Variants in UBAP2 observed in about 807,000 individuals in gnomAD.
UBAP2 encodes the protein ubiquitin-associated protein 2.
In UBAP2, 75 loss-of-function variants were observed where a neutral mutation model predicts 139.6. That is an observed-to-expected ratio of 0.54 (90% confidence interval 0.45 to 0.65). The LOEUF is 0.65. Among genes scored for constraint, UBAP2 ranks in the 30% least tolerant of loss-of-function variants. The probability of loss-of-function intolerance (pLI) is 0.00; values close to 1 mark genes in which losing one functional copy is unlikely to be tolerated. For synonymous variants in UBAP2, 526 were observed against 526.2 expected (o/e 1.00, Z 0.01); for missense variants, 1,368 against 1,369.6 (o/e 1.00, Z 0.02).
chr9:33,977,407 T>C (rs189979063), intron 6 of UBAP2, among the ~76,000 whole-genome samples: 27 of 152,270 alleles, frequency 1.8e-4, no homozygotes, highest in African/African-American at 6.3e-4. Context: ...ATAATAGAAT[T>C]ATTGTTTCCT....
chr9:33,926,363 GACATGGCCT>G, intron 22 of UBAP2, among the ~76,000 whole-genome samples: 1 of 152,286 alleles, frequency 6.6e-6, no homozygotes, highest in South Asian at 2.1e-4. Flanking sequence ...TTTAACAGGG[GACATGGCCT>G]ACCAGGGCCC....
In UBAP2 at chr9:33,982,000, G is replaced by C. The variant is rs926562900; in HGVS notation, c.520+4760C>G. Among the ~76,000 whole-genome samples the C allele has an allele frequency of 1.2e-4, 19 of 152,146 alleles. 1 individual carries two copies. Among genetic ancestry groups the C allele is most frequent in the Admixed American group, 1.2e-3 (18 of 15,260 alleles). The stretch of plus-strand genomic sequence containing the variant: ...TTTCCTCTCTTCAGGATACTGGTGA[G>C]AAGAACAGAATTGTTAAGATATAAG... On this transcript the variant is annotated intron_variant, in intron 6 of 28. Coordinates refer to ENST00000379238, the MANE Select transcript of UBAP2 (RefSeq NM_001370062.2).
intron 1 of UBAP2, among the ~76,000 whole-genome samples, chr9:34,029,198 T>A (rs1269548839): frequency 6.6e-6 from 1 of 152,172 alleles, no homozygotes; most frequent in Non-Finnish European, 1.5e-5. Context: ...CTCCTGGGTA[T>A]GCACCCAAGA....
chr9:33,976,897 A>G (rs1261634589), intron 6 of UBAP2, among the ~76,000 whole-genome samples: 1 of 151,672 alleles, frequency 6.6e-6, no homozygotes. Context: ...CTGTAATGCC[A>G]GCTATTAGGG....
chr9:34,028,696 G>C (rs1825630050), intron 1 of UBAP2, among the ~76,000 whole-genome samples: 1 of 151,526 alleles, frequency 6.6e-6, no homozygotes, highest in Admixed American at 6.6e-5. Flanking sequence ...CTTGTCTTTT[G>C]CCCAGCAGGT....
In UBAP2 at chr9:33,989,987, G is replaced by A. The variant is rs557030064; in HGVS notation, c.289-861C>T. On this transcript the variant is annotated intron_variant, in intron 4 of 28. Coordinates refer to ENST00000379238, the MANE Select transcript of UBAP2 (RefSeq NM_001370062.2). ...AACCTCCAAAGAATTCTTCTAGTGA[G>A]AAGTCAAATAATTTATATAACCTCC... Among the ~76,000 whole-genome samples, 12 of 152,162 alleles carry A rather than the reference G, an allele frequency of 7.9e-5. No individual in the cohort carries two copies. The South Asian group carries it at 2.5e-3, about 32-fold the overall frequency.
intron 1 of UBAP2, among the ~76,000 whole-genome samples, chr9:34,038,552 C>A (rs112825166): frequency 1.3e-5 from 2 of 152,178 alleles, no homozygotes; most frequent in Non-Finnish European, 2.9e-5. Context: ...CCTGAGGTGC[C>A]GGGATTGCAG....
At chr9:34,028,871 C>T (rs1587685880) in intron 1 of UBAP2, among the ~76,000 whole-genome samples, 2 of 152,162 alleles carry the variant, frequency 1.3e-5, no homozygotes, top group East Asian at 1.9e-4. Context: ...TCCCAGGCTG[C>T]AGACTGGGGT....
chr9:34,035,514 A>AAAAAAAAAAAATATATAT, intron 1 of UBAP2, among the ~76,000 whole-genome samples: 4 of 22,476 alleles, frequency 1.8e-4, no homozygotes, highest in South Asian at 9.7e-4. Flanking sequence ...AAAAAAAAAA[A>AAAAAAAAAAAATATATAT]ATATATATAT....
At chr9:33,976,770 G>A (rs1027517140) in intron 6 of UBAP2, among the ~76,000 whole-genome samples, 5 of 152,018 alleles carry the variant, frequency 3.3e-5, no homozygotes, top group African/African-American at 1.2e-4. Flanking sequence ...GCTGAGGCAG[G>A]TGGATTACTT....
At chr9:33,973,392 G>A (rs1054041660) in intron 6 of UBAP2, among the ~76,000 whole-genome samples, 155 bp from the exon 7 acceptor site, 1 of 152,118 alleles carries the variant, frequency 6.6e-6, no homozygotes, top group Non-Finnish European at 1.5e-5. Context: ...ACTGATCCCT[G>A]CTGATACAAC....
At chr9:33,925,051 T>G (rs1047902874) in intron 22 of UBAP2, among the ~76,000 whole-genome samples, 2 of 152,088 alleles carry the variant, frequency 1.3e-5, no homozygotes, top group Non-Finnish European at 2.9e-5. Flanking sequence ...CAACAAAGTG[T>G]GGAGACAGAG....
At chr9:33,953,246 T>C in intron 12 of UBAP2, 39 bp downstream of exon 12, 1 of 1,569,134 alleles carries the variant, frequency 6.4e-7, no homozygotes. Context: ...CTAATGGGTA[T>C]ATTTCTTAAA....
intron 6 of UBAP2, among the ~76,000 whole-genome samples, chr9:33,980,520 C>A (rs923885291): frequency 2.0e-5 from 3 of 151,706 alleles, no homozygotes; most frequent in Admixed American, 1.3e-4. Context: ...GGATTACAGG[C>A]GTGAGCCACC....
intron 4 of UBAP2, among the ~76,000 whole-genome samples, chr9:33,989,436 C>T (rs542700092): frequency 2.0e-5 from 3 of 152,218 alleles, no homozygotes; most frequent in East Asian, 3.9e-4. Flanking sequence ...CTCCTGACCT[C>T]GTGATCTGCC....
intron 17 of UBAP2, 151 bp from the exon 18 acceptor site, chr9:33,933,779 C>T (rs969344354): frequency 3.0e-5 from 31 of 1,034,318 alleles, no homozygotes; most frequent in East Asian, 2.6e-5. Context: ...CCAAGCATAT[C>T]GCCAGATAGC....
At chr9:34,028,711 A>G (rs949146092) in intron 1 of UBAP2, among the ~76,000 whole-genome samples, 2 of 151,880 alleles carry the variant, frequency 1.3e-5, no homozygotes, top group African/African-American at 4.8e-5. Context: ...GCAGGTAACC[A>G]GGACTCTTCA....
chr9:33,940,916 T>G (rs1341859358), intron 16 of UBAP2, among the ~76,000 whole-genome samples: 5 of 152,218 alleles, frequency 3.3e-5, no homozygotes, highest in African/African-American at 1.2e-4. Context: ...AACCAAAAAA[T>G]TAGCGCAACT....
chr9:33,956,569 T>C (rs954270786), intron 10 of UBAP2, among the ~76,000 whole-genome samples: 1 of 152,088 alleles, frequency 6.6e-6, no homozygotes, highest in Non-Finnish European at 1.5e-5. Context: ...CCTCAAGTGA[T>C]GCACCCACCT....
Sources: gnomAD v4.1 joint callset for allele counts (sites outside exome capture counted in the v4.1 genomes callset) on GRCh38, gnomAD v4.1.1 for gene constraint, MANE v1.5 for transcripts, NCBI Gene and HGNC (gene_info 2026-07-23, HGNC 2026-07-21) for gene names.